PSMD14: variants seen among roughly 807,000 people sequenced by gnomAD.
The protein encoded by PSMD14 is proteasome 26S subunit, non-ATPase 14.
A neutral mutation model predicts 41.2 loss-of-function variants in PSMD14; 7 were observed. The ratio of observed to expected loss-of-function variants is 0.17; its 90% CI spans 0.10 to 0.32. PSMD14 has a LOEUF of 0.32. PSMD14 is among the 10% of genes least tolerant of loss of function. The pLI, the probability that PSMD14 is intolerant of heterozygous loss-of-function variation, is 1.00. For missense variants in PSMD14, 139 were observed against 375.6 expected (o/e 0.37, Z 5.21); for synonymous variants, 114 against 122.3 (o/e 0.93, Z 0.45).
In PSMD14 at chr2:161,364,524, C is replaced by T. The variant is rs1388244624; in HGVS notation, c.49-2954C>T. Among the ~76,000 whole-genome samples the T allele has an allele frequency of 6.6e-5, 10 of 152,226 alleles. No individual in the cohort carries two copies. In the East Asian group the frequency reaches 1.9e-3, roughly 29 times the overall value. On this transcript the variant is annotated intron_variant, in intron 3 of 11. Coordinates refer to ENST00000409682, the MANE Select transcript of PSMD14 (RefSeq NM_005805.6). ...ACCCAGCCCTGCCTTGGCCCCCCTC[C>T]CCTCATATCAGCTGTTCATGTTCTT...
At chr2:161,309,385 T>C (rs1689062867) in intron 1 of PSMD14, among the ~76,000 whole-genome samples, 1 of 152,164 alleles carries the variant, frequency 6.6e-6, no homozygotes, top group African/African-American at 2.4e-5. Context: ...TAAAATATTA[T>C]GGAAAGGCAG....
chr2:161,313,981 C>A (rs936212430), intron 1 of PSMD14, among the ~76,000 whole-genome samples: 1 of 152,158 alleles, frequency 6.6e-6, no homozygotes, highest in Admixed American at 6.5e-5. Context: ...CACCACCATC[C>A]ATATCCAGAA....
Position 161,411,282 on chromosome 2 carries a change from C to G in PSMD14, c.835-20C>G, listed in dbSNP as rs1684020716. Reference sequence around the variant, plus strand: ...AGTAATATGGTTCTGTTTTCTCTTTCCTCATTTTTGTTCTTTTAGGACCCC... The same window carrying G: ...AGTAATATGGTTCTGTTTTCTCTTTGCTCATTTTTGTTCTTTTAGGACCCC... On this transcript the variant is annotated intron_variant, in intron 11 of 11. Coordinates refer to ENST00000409682, the MANE Select transcript of PSMD14 (RefSeq NM_005805.6). The G allele has an allele frequency of 6.5e-7, 1 of 1,532,186 alleles. No homozygotes were observed. The highest frequency in any genetic ancestry group is 8.9e-7 in the Non-Finnish European group (1 of 1,124,644). The allele number at this position is 1,532,186 out of a possible 1,614,324, so 94.9% of individuals were successfully genotyped here. A position where few individuals can be genotyped will look rare whatever the true frequency, so the allele number is the denominator to read the frequency against.
intron 3 of PSMD14, among the ~76,000 whole-genome samples, chr2:161,355,797 A>G (rs1683187964): frequency 6.6e-6 from 1 of 152,212 alleles, no homozygotes; most frequent in Admixed American, 6.5e-5. Flanking sequence ...CTGTATCCCA[A>G]GGTTAAGATG....
intron 8 of PSMD14, among the ~76,000 whole-genome samples, chr2:161,390,659 A>G (rs181896743): frequency 6.6e-6 from 1 of 152,286 alleles, no homozygotes; most frequent in Non-Finnish European, 1.5e-5. Context: ...ATTTGAATCA[A>G]TCAAAACTGA....
At chr2:161,342,823 A>G (rs1004004251) in intron 3 of PSMD14, among the ~76,000 whole-genome samples, 1 of 152,022 alleles carries the variant, frequency 6.6e-6, no homozygotes, top group Non-Finnish European at 1.5e-5. Context: ...TGATTCCATT[A>G]TATCCCCTTT....
At chr2:161,405,471 A>C (rs1458701725) in intron 10 of PSMD14, among the ~76,000 whole-genome samples, 1 of 152,168 alleles carries the variant, frequency 6.6e-6, no homozygotes, top group Non-Finnish European at 1.5e-5. Flanking sequence ...TTATGCTAGA[A>C]ATTTTGCTGG....
At chr2:161,311,490 C>T (rs987753982) in intron 1 of PSMD14, among the ~76,000 whole-genome samples, 6 of 152,010 alleles carry the variant, frequency 3.9e-5, no homozygotes, top group African/African-American at 1.2e-4. Flanking sequence ...AAATAGGGTA[C>T]TATGCCATTT....
intron 10 of PSMD14, among the ~76,000 whole-genome samples, chr2:161,399,232 C>G (rs1281269351): frequency 6.6e-6 from 1 of 151,948 alleles, no homozygotes; most frequent in Non-Finnish European, 1.5e-5. Context: ...TGTCAGGCTT[C>G]CCAAAGGTTA....
intron 3 of PSMD14, among the ~76,000 whole-genome samples, chr2:161,340,331 G>A (rs1167145768): frequency 1.3e-5 from 2 of 152,186 alleles, no homozygotes; most frequent in Non-Finnish European, 2.9e-5. Flanking sequence ...AGGGTCGGCT[G>A]ACCACCCTGA....
At chr2:161,361,588 C>T (rs1475624223) in intron 3 of PSMD14, among the ~76,000 whole-genome samples, 1 of 151,816 alleles carries the variant, frequency 6.6e-6, no homozygotes, top group Non-Finnish European at 1.5e-5. Context: ...ATTTCACACA[C>T]ACAAAAATGC....
chr2:161,310,132 C>A (rs1199308600), intron 1 of PSMD14, among the ~76,000 whole-genome samples: 2 of 152,096 alleles, frequency 1.3e-5, no homozygotes, highest in Non-Finnish European at 2.9e-5. Flanking sequence ...GCTTGGGCAA[C>A]AGAGTGAGAC....
rs572778538 is a variant in PSMD14 at position 161,338,436 on chromosome 2, A to G, written c.48+19563A>G. ...ACTATTTTTGCCATTGATAACCTGT[A>G]TTTGTTGAGCTGCTGTACTCATATT... On this transcript the variant is annotated intron_variant, in intron 3 of 11. Coordinates refer to ENST00000409682, the MANE Select transcript of PSMD14 (RefSeq NM_005805.6). Among the ~76,000 whole-genome samples, 4 of 148,512 alleles carry G rather than the reference A, an allele frequency of 2.7e-5. No homozygotes were observed. The East Asian group carries it at 8.0e-4, about 30-fold the overall frequency.
At chr2:161,329,328 A>G (rs1489362901) in intron 3 of PSMD14, among the ~76,000 whole-genome samples, 3 of 152,248 alleles carry the variant, frequency 2.0e-5, no homozygotes, top group East Asian at 1.9e-4. Flanking sequence ...CTTTTTTTAT[A>G]TCTGTCACAT....
intron 2 of PSMD14, among the ~76,000 whole-genome samples, chr2:161,317,767 A>G (rs1390180369): frequency 2.6e-5 from 4 of 152,224 alleles, no homozygotes; most frequent in Admixed American, 2.6e-4. Flanking sequence ...GTAAAACAAC[A>G]TGGACGAAGG....
chr2:161,349,199 T>C (rs183919464), intron 3 of PSMD14, among the ~76,000 whole-genome samples: 16 of 152,314 alleles, frequency 1.1e-4, no homozygotes, highest in Admixed American at 4.6e-4. Flanking sequence ...AGTCTGTTGT[T>C]TTATAAGTAT....
At chr2:161,409,104 T>G (rs1029606934) in intron 11 of PSMD14, among the ~76,000 whole-genome samples, 8 of 152,092 alleles carry the variant, frequency 5.3e-5, no homozygotes, top group East Asian at 1.9e-4. Context: ...ACCTAAGAGA[T>G]ATTATCGTCA....
At chr2:161,349,209 T>C (rs527417525) in intron 3 of PSMD14, among the ~76,000 whole-genome samples, 1 of 152,368 alleles carries the variant, frequency 6.6e-6, no homozygotes, top group African/African-American at 2.4e-5. Flanking sequence ...TTTATAAGTA[T>C]GCGTCAAATC....
At chr2:161,401,607 TA>T (rs1463441816) in intron 10 of PSMD14, among the ~76,000 whole-genome samples, 1 of 152,208 alleles carries the variant, frequency 6.6e-6, no homozygotes, top group African/African-American at 2.4e-5. Context: ...CAACCTTAAC[TA>T]CAGTTTCTCT....
Sources: allele counts gnomAD v4.1 joint callset (sites outside exome capture counted in the v4.1 genomes callset), GRCh38; gene constraint gnomAD v4.1.1; transcripts MANE v1.5; gene names NCBI Gene and HGNC (gene_info 2026-07-23, HGNC 2026-07-21).